The following PSME4 variants were observed in gnomAD, a reference collection of about 807,000 sequenced individuals.
The protein encoded by PSME4 is proteasome activator subunit 4.
Under a neutral mutation model 253.9 loss-of-function variants are expected in PSME4, and 89 were observed. The ratio of observed to expected loss-of-function variants is 0.35; its 90% CI spans 0.30 to 0.42. The LOEUF is 0.42. Ranked by LOEUF, PSME4 falls within the 10% of genes least tolerant of loss-of-function variation. The pLI, the probability that PSME4 is intolerant of heterozygous loss-of-function variation, is 1.00. For missense variants in PSME4, 2,014 were observed against 2,195.2 expected (o/e 0.92, Z 1.65); for synonymous variants, 851 against 759.2 (o/e 1.12, Z -1.99).
At chr2:53,915,890 G>T (rs888323321) in intron 20 of PSME4, among the ~76,000 whole-genome samples, 2 of 152,208 alleles carry the variant, frequency 1.3e-5, no homozygotes, top group African/African-American at 4.8e-5. Flanking sequence ...GGCCAACATG[G>T]TGAAACCCTA....
At chr2:53,867,364 G>C (rs909126814) in intron 44 of PSME4, among the ~76,000 whole-genome samples, 4 of 152,156 alleles carry the variant, frequency 2.6e-5, no homozygotes, top group African/African-American at 7.2e-5. Context: ...AATTAGCTGG[G>C]TGTGATGGCA....
At chr2:53,911,786 C>G (rs989961636) in intron 20 of PSME4, among the ~76,000 whole-genome samples, 4 of 152,070 alleles carry the variant, frequency 2.6e-5, no homozygotes, top group Non-Finnish European at 5.9e-5. Context: ...TAGTTACTGT[C>G]ATATTATACA....
intron 36 of PSME4, among the ~76,000 whole-genome samples, chr2:53,892,554 G>A (rs887384816): frequency 5.3e-5 from 8 of 152,048 alleles, no homozygotes; most frequent in African/African-American, 1.9e-4. Context: ...CAAGAAACTG[G>A]AATTCTTTTT....
chr2:53,935,382 G>C (rs1669054330), intron 7 of PSME4, among the ~76,000 whole-genome samples: 1 of 152,132 alleles, frequency 6.6e-6, no homozygotes, highest in Non-Finnish European at 1.5e-5. Flanking sequence ...CAGAGCATCT[G>C]CATCCAGCTA....
intron 1 of PSME4, among the ~76,000 whole-genome samples, chr2:53,968,281 A>T (rs1003178289): frequency 6.6e-5 from 10 of 151,988 alleles, no homozygotes; most frequent in African/African-American, 2.2e-4. Flanking sequence ...CCTCAAAAAA[A>T]AAAAAAAAAA....
At chr2:53,881,290 C>T (rs1354356420) in intron 41 of PSME4, among the ~76,000 whole-genome samples, 1 of 152,164 alleles carries the variant, frequency 6.6e-6, no homozygotes, top group Non-Finnish European at 1.5e-5. Context: ...GTACATTCTT[C>T]TCTAAGTTTT....
intron 8 of PSME4, among the ~76,000 whole-genome samples, chr2:53,933,694 T>G (rs958973119): frequency 2.0e-5 from 3 of 152,184 alleles, no homozygotes; most frequent in African/African-American, 7.2e-5. Context: ...ATTTTCACAC[T>G]TAACACAAAA....
intron 32 of PSME4, 32 bp from the exon 33 acceptor site, chr2:53,895,768 T>G: frequency 6.5e-7 from 1 of 1,533,866 alleles, no homozygotes; most frequent in South Asian, 1.3e-5. Flanking sequence ...TTGATGAATT[T>G]AAAAATATTC....
rs1678495015 is a variant in PSME4, at chr2:53,864,871, T to C, written c.*707A>G. The C allele has an allele frequency of 6.6e-6, 1 of 152,652 alleles. No individual in the cohort carries two copies. The highest frequency in any genetic ancestry group is 6.5e-5 in the Admixed American group (1 of 15,276). 9.5% of individuals were successfully genotyped at this position (152,652 alleles called of 1,614,324 possible). A position where few individuals can be genotyped will look rare whatever the true frequency, so the allele number is the denominator to read the frequency against. ...AAAAAACAGCCAGTCAGGGTTTTTA[T>C]TGTTGTTGCTGTTTATTTTTAAAAT... On this transcript the variant is annotated 3_prime_UTR_variant, in exon 47 of 47. Transcript: ENST00000404125.
chr2:53,897,872 T>C lies in PSME4; in HGVS notation c.3604A>G (p.Lys1202Glu), dbSNP rs751587327. Residue 1202 changes from lysine (K) to glutamate (E), a missense_variant and splice_region_variant, in exon 31 of 47, where the codon AAG (lysine) becomes GAG (glutamate). Transcript: ENST00000404125. ...TGTAGCTAAAACAAGGTATGTACCT[T>C]TCGAACTACAATTGCATCATGGTTG... ...NLNHDAIVVR[K>E]MAISAVAGIL... 14 of 1,613,626 alleles carry C rather than the reference T, an allele frequency of 8.7e-6. No individual in the cohort carries two copies.
chr2:53,909,670 T>C (rs1216052910), intron 21 of PSME4, among the ~76,000 whole-genome samples: 1 of 152,138 alleles, frequency 6.6e-6, no homozygotes, highest in East Asian at 1.9e-4. Flanking sequence ...CAAAACTACT[T>C]CATTTTAGGC....
In PSME4 at chr2:53,899,905, T is replaced by C; in HGVS notation, c.3398A>G (p.Gln1133Arg). Reference sequence around the variant, plus strand: ...CCTTAGGGCATCGGCATTCTTTTCCTGTTGGCGTTTAATTCCTTCCTTAAT... The same window carrying C: ...CCTTAGGGCATCGGCATTCTTTTCCCGTTGGCGTTTAATTCCTTCCTTAAT... ...EKIKEGIKRQ[Q>R]EKNADALRNY... is the part of the protein sequence containing the mutation. Residue 1133 changes from glutamine to arginine, a missense_variant, in exon 29 of 47, where the codon CAG becomes CGG. Gln to Arg is a conservative substitution (Grantham distance 43). Coordinates refer to ENST00000404125, the MANE Select transcript of PSME4 (RefSeq NM_014614.3). 1.2e-6 allele frequency: 2 copies of C among 1,613,616 alleles called. No individual in the cohort carries two copies. The highest frequency in any genetic ancestry group is 1.7e-6 in the Non-Finnish European group (2 of 1,179,580).
intron 1 of PSME4, among the ~76,000 whole-genome samples, chr2:53,962,744 G>A (rs1438203983): frequency 7.2e-5 from 11 of 152,166 alleles, no homozygotes; most frequent in Non-Finnish European, 8.8e-5. Context: ...TGGGCACGGT[G>A]GCTCACGCCT....
intron 40 of PSME4, among the ~76,000 whole-genome samples, chr2:53,886,976 A>T (rs1411446781): frequency 6.6e-6 from 1 of 152,198 alleles, no homozygotes. Flanking sequence ...GAAAGTAGAC[A>T]GTGGTTATAA....
At chr2:53,908,218 CT>C (rs550449608) in intron 24 of PSME4, 101 bp downstream of exon 24, 31 of 855,578 alleles carry the variant, frequency 3.6e-5, no homozygotes, top group Non-Finnish European at 5.0e-5. Context: ...ACTATTTTTC[CT>C]TTTAGGAAAA....
In PSME4 at chr2:53,925,976, G is replaced by C. The variant is rs1426150885; in HGVS notation, c.1641C>G (p.Val547=). 2.5e-6 allele frequency: 4 copies of C among 1,613,310 alleles called. No individual in the cohort carries two copies. The African/African-American group carries it at 5.3e-5, about 22-fold the overall frequency. ...AAGCTCACCTGTCCATAAACTGTAA[G>C]ACGAAATCCTCAAATTCAGCTGTGG... ...CSATAEFEDF[V]LQFMDRCFGL... is the part of the protein sequence containing the mutation. Residue 547 remains valine (V), a synonymous_variant, in exon 13 of 47, where the codon GTC becomes GTG. Coordinates refer to ENST00000404125, the MANE Select transcript of PSME4 (RefSeq NM_014614.3).
chr2:53,916,141 G>A (rs1668053017), intron 20 of PSME4, among the ~76,000 whole-genome samples: 1 of 151,204 alleles, frequency 6.6e-6, no homozygotes, highest in Non-Finnish European at 1.5e-5. Context: ...CAGCTACTCA[G>A]GAGGCTGAGG....
chr2:53,894,603 G>C (rs1418617642), intron 34 of PSME4, among the ~76,000 whole-genome samples: 2 of 152,226 alleles, frequency 1.3e-5, no homozygotes, highest in African/African-American at 4.8e-5. Flanking sequence ...TAAATTAAAT[G>C]AAGTTTAAGG....
intron 1 of PSME4, among the ~76,000 whole-genome samples, chr2:53,964,582 C>G (rs1670631374): frequency 6.6e-6 from 1 of 152,190 alleles, no homozygotes; most frequent in Non-Finnish European, 1.5e-5. Context: ...TTTCAAGATT[C>G]ATTTACAAAT....
Sources: gnomAD v4.1 joint callset for allele counts (sites outside exome capture counted in the v4.1 genomes callset) on GRCh38, gnomAD v4.1.1 for gene constraint, MANE v1.5 for transcripts, NCBI Gene and HGNC (gene_info 2026-07-23, HGNC 2026-07-21) for gene names.